The following PPM1G variants were observed in gnomAD, a reference collection of about 807,000 sequenced individuals.
PPM1G encodes the protein protein phosphatase 1G.
Under a neutral mutation model 59.4 loss-of-function variants are expected in PPM1G, and 12 were observed. That is an observed-to-expected ratio of 0.20 (90% CI 0.13 to 0.33). The LOEUF (loss-of-function observed/expected upper bound fraction) is 0.33. Ranked by LOEUF, PPM1G falls within the 10% of genes least tolerant of loss-of-function variation. The pLI, the probability that PPM1G is intolerant of heterozygous loss-of-function variation, is 1.00. For missense variants in PPM1G, 392 were observed against 681.3 expected (o/e 0.58, Z 4.73); for synonymous variants, 245 against 251.9 (o/e 0.97, Z 0.26).
At chr2:27,393,146 C>T in intron 1 of PPM1G, 1 of 1,412,032 alleles carries the variant, frequency 7.1e-7, no homozygotes, top group Non-Finnish European at 9.9e-7. Flanking sequence ...CTCGTTGGTT[C>T]TACAGCTTCA....
chr2:27,387,192 A>G lies in PPM1G; in HGVS notation c.121-34T>C, dbSNP rs751430640. On this transcript the variant is annotated intron_variant, in intron 1 of 9. Transcript: ENST00000344034. ...AGAAGAGCATAATCGGCATGTCTCAAGGTCGAAGAATATTCCTCAGGTCAT... is the reference window on the plus strand; with the variant it reads ...AGAAGAGCATAATCGGCATGTCTCAGGGTCGAAGAATATTCCTCAGGTCAT... 3.2e-6 allele frequency: 5 copies of G among 1,559,544 alleles called. No individual in the cohort carries two copies. The Admixed American group carries it at 8.3e-5, about 26-fold the overall frequency.
rs1040739965 is a variant in PPM1G at position 27,384,921 on chromosome 2, C to T, written c.577G>A (p.Glu193Lys). 1.9e-6 allele frequency: 3 copies of T among 1,614,098 alleles called. No individual in the cohort carries two copies. The highest frequency in any genetic ancestry group is 1.6e-4 in the Middle Eastern group (1 of 6,084). ...GAAGGAGTTTCCCTAGTTGAGTCCT[C>T]AGGTCCTGCCTCCCCATTGAGGCCC... ...SQGLNGEAGP[E>K]DSTRETPSQE... The change falls in exon 5 of 10, where the codon GAG (glutamate) becomes AAG (lysine). Residue 193 changes from glutamate (E) to lysine (K), a missense_variant. Transcript: ENST00000344034. The surrounding 1 kb of genome is among the most constrained non-coding windows in gnomAD (Gnocchi z 4.8).
intron 9 of PPM1G, 61 bp from the exon 10 acceptor site, chr2:27,381,866 G>T: frequency 6.5e-7 from 1 of 1,546,150 alleles, no homozygotes; most frequent in Non-Finnish European, 8.9e-7. Flanking sequence ...GGAATCTACA[G>T]TCCCACAAGA....
intron 1 of PPM1G, among the ~76,000 whole-genome samples, chr2:27,408,522 G>A (rs1044983755): frequency 1.3e-5 from 2 of 151,990 alleles, no homozygotes; most frequent in African/African-American, 4.8e-5. Context: ...AAAGCCCTTT[G>A]TAGGTAGGTT....
chr2:27,390,645 T>C (rs1683877207), intron 1 of PPM1G, among the ~76,000 whole-genome samples: 1 of 151,534 alleles, frequency 6.6e-6, no homozygotes, highest in African/African-American at 2.4e-5. Context: ...CCATGTCAGT[T>C]TTTTTTTTAT....
intron 1 of PPM1G, among the ~76,000 whole-genome samples, chr2:27,395,364 T>A (rs1440669999): frequency 6.6e-6 from 1 of 151,774 alleles, no homozygotes; most frequent in Non-Finnish European, 1.5e-5. Flanking sequence ...AAACCCCATG[T>A]CTACTAAAAA....
Position 27,387,178 on chromosome 2 carries a change from A to G in PPM1G, c.121-20T>C. The G allele has an allele frequency of 6.3e-7, 1 of 1,594,648 alleles. No individual in the cohort carries two copies. The highest frequency in any genetic ancestry group is 8.6e-7 in the Non-Finnish European group (1 of 1,162,358). On this transcript the variant is annotated intron_variant, in intron 1 of 9. Transcript: ENST00000344034. ...AGCATCCTAGGAAAAGAAGAGCATA[A>G]TCGGCATGTCTCAAGGTCGAAGAAT...
chr2:27,406,849 A>C (rs911779814), intron 1 of PPM1G, among the ~76,000 whole-genome samples: 1 of 152,118 alleles, frequency 6.6e-6, no homozygotes, highest in Admixed American at 6.6e-5. Flanking sequence ...GCGAGATGGA[A>C]TATTCACCTC....
chr2:27,381,988 G>T, intron 9 of PPM1G, 138 bp downstream of exon 9: 1 of 1,036,508 alleles, frequency 9.6e-7, no homozygotes, highest in Non-Finnish European at 1.4e-6. Flanking sequence ...ATGACAGAAG[G>T]TGGAACTTTG....
chr2:27,405,527 G>A (rs1572670631), intron 1 of PPM1G, among the ~76,000 whole-genome samples: 1 of 150,800 alleles, frequency 6.6e-6, no homozygotes, highest in Non-Finnish European at 1.5e-5. Flanking sequence ...CGGCTCACTG[G>A]CCTTCCTATT....
chr2:27,394,733 C>G (rs1684003073), intron 1 of PPM1G, among the ~76,000 whole-genome samples: 1 of 120,956 alleles, frequency 8.3e-6, no homozygotes, highest in Non-Finnish European at 1.6e-5. Context: ...CAGAGTGAGA[C>G]TCTGTCTTAA....
At chr2:27,392,868 C>T in intron 1 of PPM1G, 1 of 1,448,442 alleles carries the variant, frequency 6.9e-7, no homozygotes, top group East Asian at 2.3e-5. Flanking sequence ...CCATCTCGTG[C>T]ATGTTGGTCA....
Position 27,382,217 on chromosome 2 carries a change from C to T in PPM1G, c.1343G>A (p.Ser448Asn). The change falls in exon 9 of 10, where the codon AGC becomes AAC. Residue 448 changes from serine to asparagine, a missense_variant. By Grantham distance (46) the Ser-to-Asn change is conservative (BLOSUM62 1). Around this residue, in one of 6 missense-constraint regions of PPM1G, gnomAD observed 53 missense variants for 175.4 expected, o/e 0.30. Transcript: ENST00000344034. This position sits in a 1 kb window ranked among gnomAD's most constrained non-coding sequence, Gnocchi z 4.2. ...IACDGIWNVM[S>N]SQEVVDFIQS... ...AATGAAATCTACAACTTCCTGGCTG[C>T]TCATCACATTCCTGGGGTCAAGAAC... The T allele has an allele frequency of 6.2e-7, 1 of 1,614,188 alleles. No homozygotes were observed. The highest frequency in any genetic ancestry group is 8.5e-7 in the Non-Finnish European group (1 of 1,180,018).
rs559263284 is a variant in PPM1G, at chr2:27,383,132, G to A, written c.1201+234C>T. On this transcript the variant is annotated intron_variant, in intron 7 of 9. Transcript: ENST00000344034. This position sits in a 1 kb window ranked among gnomAD's most constrained non-coding sequence, Gnocchi z 5.0. Reference sequence around the variant, plus strand: ...ATTACAGGCGTGAGCCACCACGCCCGGCACTCACAGGTCTTTTTCATCATT... The same window carrying A: ...ATTACAGGCGTGAGCCACCACGCCCAGCACTCACAGGTCTTTTTCATCATT... Among the ~76,000 whole-genome samples, 9 of 152,146 alleles carry A rather than the reference G, an allele frequency of 5.9e-5. No individual in the cohort carries two copies. The highest frequency in any genetic ancestry group is 7.4e-5 in the Non-Finnish European group (5 of 67,990).
At chr2:27,390,271 C>T (rs1298708482) in intron 1 of PPM1G, among the ~76,000 whole-genome samples, 1 of 152,136 alleles carries the variant, frequency 6.6e-6, no homozygotes, top group African/African-American at 2.4e-5. Flanking sequence ...CTGCCCAGCT[C>T]GGCCTCCCAA....
At chr2:27,407,559 G>A (rs930893394) in intron 1 of PPM1G, among the ~76,000 whole-genome samples, 4 of 152,050 alleles carry the variant, frequency 2.6e-5, no homozygotes, top group Non-Finnish European at 2.9e-5. Context: ...GAGCCACTGC[G>A]CCCAGCCTAG....
At chr2:27,399,490 T>C (rs905539815) in intron 1 of PPM1G, among the ~76,000 whole-genome samples, 15 of 151,900 alleles carry the variant, frequency 9.9e-5, no homozygotes, top group African/African-American at 3.4e-4. Flanking sequence ...CTGAACAACA[T>C]GGTAATGCCC....
chr2:27,381,269 G>A lies in PPM1G; in HGVS notation c.*330C>T, dbSNP rs1400021098. 9.9e-6 allele frequency: 4 copies of A among 403,618 alleles called. No homozygotes were observed. Among genetic ancestry groups the A allele is most frequent in the Non-Finnish European group, 1.8e-5 (4 of 217,506 alleles). 25.0% of individuals were successfully genotyped at this position (403,618 alleles called of 1,614,324 possible). ...CAACAGAGAGCGGGTGCAAGCGGCC[G>A]AGGGCCATGGAGCCGCCAATAAAAA... On this transcript the variant is annotated 3_prime_UTR_variant, in exon 10 of 10. Transcript: ENST00000344034.
chr2:27,399,581 G>A (rs747729811), intron 1 of PPM1G, among the ~76,000 whole-genome samples: 1 of 152,308 alleles, frequency 6.6e-6, no homozygotes, highest in African/African-American at 2.4e-5. Flanking sequence ...GGCTGAGGCA[G>A]GAGAATCGCT....
Sources: allele counts gnomAD v4.1 joint callset (sites outside exome capture counted in the v4.1 genomes callset), GRCh38; gene constraint gnomAD v4.1.1; regional missense constraint gnomAD v4.1.1; non-coding constraint Gnocchi (gnomAD v3.1); transcripts MANE v1.5; gene names NCBI Gene and HGNC (gene_info 2026-07-23, HGNC 2026-07-21).